PXYLP1: variants seen among roughly 807,000 people sequenced by gnomAD.
PXYLP1 encodes the protein 2-phosphoxylose phosphatase 1.
PXYLP1 carries 17 observed loss-of-function variants against 37.9 expected under a neutral mutation model. That is an observed-to-expected ratio of 0.45 (90% CI 0.31 to 0.67). The LOEUF (loss-of-function observed/expected upper bound fraction) is 0.67, where lower values mean the gene tolerates loss of function less well. PXYLP1 is among the 30% of genes least tolerant of loss of function. The pLI is 0.07. For missense variants in PXYLP1, 511 were observed against 612.0 expected (o/e 0.84, Z 1.74); for synonymous variants, 221 against 232.2 (o/e 0.95, Z 0.44).
chr3:141,251,346 G>A (rs1941135777), intron 1 of PXYLP1, among the ~76,000 whole-genome samples: 1 of 152,178 alleles, frequency 6.6e-6, no homozygotes, highest in Non-Finnish European at 1.5e-5. Flanking sequence ...TTCAGAGCCT[G>A]GAATAGGAGA....
At chr3:141,234,186 C>G (rs1050531478) in intron 1 of PXYLP1, 1 of 151,798 alleles carries the variant, frequency 6.6e-6, no homozygotes, top group South Asian at 2.1e-4. Flanking sequence ...TCACCAGAGA[C>G]AAACTCATTT....
Position 141,277,945 on chromosome 3 carries a change from C to T in PXYLP1, c.80-397C>T, listed in dbSNP as rs369769023. Reference sequence around the variant, plus strand: ...ATAAATGGGATATGTCAGACACCCACATCTGGCACCTAGCAGGTCTTCAAT... The same window carrying T: ...ATAAATGGGATATGTCAGACACCCATATCTGGCACCTAGCAGGTCTTCAAT... On this transcript the variant is annotated intron_variant, in intron 2 of 5. Coordinates refer to ENST00000286353, the MANE Select transcript of PXYLP1 (RefSeq NM_001037172.3). Among the ~76,000 whole-genome samples, 24 of 152,348 alleles carry T rather than the reference C, an allele frequency of 1.6e-4. 2 individuals are homozygous for T. Among genetic ancestry groups the T allele is most frequent in the African/African-American group, 5.8e-4 (24 of 41,580 alleles).
chr3:141,277,805 G>A (rs1465788230), intron 2 of PXYLP1, among the ~76,000 whole-genome samples: 2 of 152,156 alleles, frequency 1.3e-5, no homozygotes, highest in Non-Finnish European at 2.9e-5. Context: ...AGGAGTAAGC[G>A]TGAGACAGGC....
rs758424483 is a variant in PXYLP1, at chr3:141,292,756, G to A, written c.994G>A (p.Glu332Lys). Residue 332 changes from glutamate to lysine, a missense_variant, in exon 6 of 6, where the codon GAA becomes AAA. Coordinates refer to ENST00000286353, the MANE Select transcript of PXYLP1 (RefSeq NM_001037172.3). The surrounding 1 kb of genome is among the most constrained non-coding windows in gnomAD (Gnocchi z 4.3). ...KVIKTHQIED[E>K]RERREKKLYF... is the part of the protein sequence containing the mutation. ...AATTAAGACCCATCAGATCGAGGATGAAAGGGAAAGACGGGAGAAGAAATT... is the reference window on the plus strand; with the variant it reads ...AATTAAGACCCATCAGATCGAGGATAAAAGGGAAAGACGGGAGAAGAAATT... 6.2e-7 allele frequency: 1 copy of A among 1,613,874 alleles called. No individual in the cohort carries two copies. The highest frequency in any genetic ancestry group is 8.5e-7 in the Non-Finnish European group (1 of 1,179,872).
intron 4 of PXYLP1, among the ~76,000 whole-genome samples, chr3:141,281,760 G>A (rs978707434): frequency 3.9e-5 from 6 of 152,136 alleles, no homozygotes; most frequent in African/African-American, 1.4e-4. Flanking sequence ...TGGCCCCTTG[G>A]GTGGTGAGAC....
At chr3:141,253,544 G>C (rs1399527335) in intron 1 of PXYLP1, among the ~76,000 whole-genome samples, 1 of 152,118 alleles carries the variant, frequency 6.6e-6, no homozygotes, top group African/African-American at 2.4e-5. Context: ...TGCCACTTCA[G>C]AAATCCAATC....
rs879464007 is a variant in PXYLP1, at chr3:141,277,654, T to A, written c.80-688T>A. The stretch of plus-strand genomic sequence containing the variant: ...CTGCCAGGGGGTGGGGACACTGTGA[T>A]TGACAGTCCAGCCTGACCACACGTG... On this transcript the variant is annotated intron_variant, in intron 2 of 5. Coordinates refer to ENST00000286353, the MANE Select transcript of PXYLP1 (RefSeq NM_001037172.3). Among the ~76,000 whole-genome samples the A allele has an allele frequency of 2.6e-5, 4 of 152,174 alleles. No individual in the cohort carries two copies. In the East Asian group the frequency reaches 7.7e-4, roughly 29 times the overall value.
At chr3:141,282,483 A>C (rs924747642) in intron 4 of PXYLP1, among the ~76,000 whole-genome samples, 30 of 147,646 alleles carry the variant, frequency 2.0e-4, no homozygotes, top group African/African-American at 6.7e-4. Context: ...AACCCAGACA[A>C]ACACACACAC....
chr3:141,287,588 G>T lies in PXYLP1; in HGVS notation c.505+135G>T, dbSNP rs1177324923. ...AAGGACTGGCTCTGCAAGGAGCTCGGTCACCAGGGCCTCTAAATAAACATC... is the reference window on the plus strand; with the variant it reads ...AAGGACTGGCTCTGCAAGGAGCTCGTTCACCAGGGCCTCTAAATAAACATC... On this transcript the variant is annotated intron_variant, in intron 5 of 5. Coordinates refer to ENST00000286353, the MANE Select transcript of PXYLP1 (RefSeq NM_001037172.3). The T allele has an allele frequency of 2.2e-5, 21 of 936,638 alleles. No homozygotes were observed. In the Admixed American group the frequency reaches 3.5e-4, roughly 16 times the overall value. 58.0% of individuals were successfully genotyped at this position (936,638 alleles called of 1,614,324 possible).
At chr3:141,242,828 G>C (rs1940844100) in intron 1 of PXYLP1, among the ~76,000 whole-genome samples, 1 of 152,180 alleles carries the variant, frequency 6.6e-6, no homozygotes. Flanking sequence ...CCTGAGGCAG[G>C]CAGCAATATT....
intron 1 of PXYLP1, among the ~76,000 whole-genome samples, chr3:141,255,391 T>A (rs1323911220): frequency 6.6e-6 from 1 of 152,226 alleles, no homozygotes. Context: ...CACAGAAGTA[T>A]TTGTGGGAAT....
intron 2 of PXYLP1, chr3:141,273,755 G>A (rs1941723771): frequency 1.0e-6 from 1 of 985,232 alleles, no homozygotes; most frequent in African/African-American, 1.7e-5. Context: ...ATAAAAGAGA[G>A]GCTTATTTCC....
chr3:141,283,781 C>G (rs1942009528), intron 4 of PXYLP1, among the ~76,000 whole-genome samples: 1 of 151,558 alleles, frequency 6.6e-6, no homozygotes, highest in Non-Finnish European at 1.5e-5. Context: ...CTTGCCTTAA[C>G]ATTCTGTGCA....
rs542918820 is a variant in PXYLP1 at position 141,264,224 on chromosome 3, G to C, written c.79+3970G>C. Among the ~76,000 whole-genome samples the C allele has an allele frequency of 2.0e-3, 312 of 152,240 alleles. 2 individuals are homozygous for C. The highest frequency in any genetic ancestry group is 7.3e-3 in the African/African-American group (305 of 41,512). ...ACCTGCAAAAATGAGAGTGAGGGTT[G>C]CTGTCAATATCTGAAGGGCCCTTTC... On this transcript the variant is annotated intron_variant, in intron 2 of 5. Transcript: ENST00000286353.
chr3:141,262,793 T>C, intron 2 of PXYLP1: 1 of 1,156,056 alleles, frequency 8.7e-7, no homozygotes, highest in South Asian at 1.3e-5. Context: ...ATTTAATTGC[T>C]TTATTGGTTG....
intron 2 of PXYLP1, chr3:141,262,324 C>A (rs966108133): frequency 2.2e-5 from 22 of 1,009,688 alleles, no homozygotes; most frequent in Non-Finnish European, 2.6e-5. Flanking sequence ...AAATCTGAAT[C>A]CTTTCCAAAA....
In PXYLP1 at chr3:141,292,619, C is replaced by T; in HGVS notation, c.857C>T (p.Thr286Ile). 2 of 1,613,938 alleles carry T rather than the reference C, an allele frequency of 1.2e-6. No individual in the cohort carries two copies. Among genetic ancestry groups the T allele is most frequent in the Non-Finnish European group, 1.7e-6 (2 of 1,179,916 alleles). The change falls in exon 6 of 6, where the codon ACC becomes ATC. Residue 286 changes from threonine to isoleucine, a missense_variant. Coordinates refer to ENST00000286353, the MANE Select transcript of PXYLP1 (RefSeq NM_001037172.3). This position sits in a 1 kb window ranked among gnomAD's most constrained non-coding sequence, Gnocchi z 4.3. ...ATGGCCAAGATCGTGGATGTCCCCA[C>T]CAAGCAGCTTAGAGCTGCCAACCCC... ...GEMAKIVDVPTKQLRAANPID... is the reference protein window; with the variant it reads ...GEMAKIVDVPIKQLRAANPID...
At chr3:141,287,483 T>C (rs759345750) in intron 5 of PXYLP1, 30 bp downstream of exon 5, 1 of 1,604,488 alleles carries the variant, frequency 6.2e-7, no homozygotes, top group South Asian at 1.1e-5. Context: ...GCTCAGGGGT[T>C]CCCCCACCCG....
At chr3:141,246,619 T>G (rs1940964673) in intron 1 of PXYLP1, among the ~76,000 whole-genome samples, 1 of 152,166 alleles carries the variant, frequency 6.6e-6, no homozygotes, top group Non-Finnish European at 1.5e-5. Flanking sequence ...CATTAATCTC[T>G]TCATTCATAC....
Sources: allele counts gnomAD v4.1 joint callset (sites outside exome capture counted in the v4.1 genomes callset), GRCh38; gene constraint gnomAD v4.1.1; non-coding constraint Gnocchi (gnomAD v3.1); transcripts MANE v1.5; gene names NCBI Gene and HGNC (gene_info 2026-07-23, HGNC 2026-07-21).